The following FNDC5 variants were observed in gnomAD, a reference collection of about 807,000 sequenced individuals.
The protein encoded by FNDC5 is fibronectin type III domain containing 5.
A neutral mutation model predicts 24.6 loss-of-function variants in FNDC5; 10 were observed. The ratio of observed to expected loss-of-function variants is 0.41; its 90% CI spans 0.25 to 0.69. The LOEUF is 0.69. FNDC5 is among the 30% of genes least tolerant of loss of function. The pLI is 0.34. For synonymous variants in FNDC5, 90 were observed against 110.7 expected (o/e 0.81, Z 1.18); for missense variants, 226 against 282.9 (o/e 0.80, Z 1.44).
At chr1:32,864,432 C>T in intron 5 of FNDC5, 133 bp from the exon 6 acceptor site, 2 of 1,492,186 alleles carry the variant, frequency 1.3e-6, no homozygotes, top group Non-Finnish European at 1.8e-6. Context: ...CTGCCCTCCC[C>T]ACTCACTGCT....
In FNDC5 at chr1:32,864,797, C is replaced by A. The variant is rs1354212088; in HGVS notation, c.500G>T (p.Gly167Val). Residue 167 changes from glycine to valine, a missense_variant and splice_region_variant, in exon 5 of 6, where the codon GGT (glycine) becomes GTT (valine). Transcript: ENST00000373471. ...CTGGCGGCAGAAGAGGGCAATGACACCTGAGGGGGGACAAGTGAGCAGTCA... is the reference window on the plus strand; with the variant it reads ...CTGGCGGCAGAAGAGGGCAATGACAACTGAGGGGGGACAAGTGAGCAGTCA... 3 of 1,613,828 alleles carry A rather than the reference C, an allele frequency of 1.9e-6. No individual in the cohort carries two copies. Among genetic ancestry groups the A allele is most frequent in the Non-Finnish European group, 2.5e-6 (3 of 1,180,016 alleles).
rs1319237432 is a variant in FNDC5, at chr1:32,863,716, CCTT to C, written c.*575_*577del. 9 of 1,304,306 alleles carry C rather than the reference CCTT, an allele frequency of 6.9e-6. No individual in the cohort carries two copies. Among genetic ancestry groups the C allele is most frequent in the Non-Finnish European group, 8.1e-6 (8 of 988,988 alleles). The allele number at this position is 1,304,306 out of a possible 1,614,324, so 80.8% of individuals were successfully genotyped here. On this transcript the variant is annotated 3_prime_UTR_variant, in exon 6 of 6. Transcript: ENST00000373471. ...GACCAGCTGAGAAGAAAAATGGAATCCTTCTCCCTGCAGACAGGCAGTCACGCT... is the reference window on the plus strand; with the variant it reads ...GACCAGCTGAGAAGAAAAATGGAATCCTCCCTGCAGACAGGCAGTCACGCT...
intron 4 of FNDC5, 103 bp downstream of exon 4, chr1:32,867,650 T>C: frequency 9.1e-7 from 1 of 1,103,108 alleles, no homozygotes; most frequent in Non-Finnish European, 1.3e-6. Context: ...ACCTTAGAGA[T>C]GTCCAAACCC....
At chr1:32,867,872 C>T in intron 3 of FNDC5, 30 bp from the exon 4 acceptor site, 2 of 1,606,412 alleles carry the variant, frequency 1.2e-6, no homozygotes, top group South Asian at 2.2e-5. Context: ...AGATCCAGCA[C>T]TCCTTTCCTC....
chr1:32,864,166 G>T lies in FNDC5; in HGVS notation c.*128C>A, dbSNP rs887840786. 1.3e-6 allele frequency: 2 copies of T among 1,597,498 alleles called. No homozygotes were observed. The highest frequency in any genetic ancestry group is 1.3e-5 in the African/African-American group (1 of 74,778). On this transcript the variant is annotated 3_prime_UTR_variant, in exon 6 of 6. Transcript: ENST00000373471. ...AGGACAGTAAGCCAGAGGGTACAAG[G>T]AGATGGAGGGAAGAGATGTAGAGAG...
Position 32,863,881 on chromosome 1 carries a change from A to G in FNDC5, c.*413T>C. On this transcript the variant is annotated 3_prime_UTR_variant, in exon 6 of 6. Coordinates refer to ENST00000373471, the MANE Select transcript of FNDC5 (RefSeq NM_153756.3). The stretch of plus-strand genomic sequence containing the variant: ...AGGAAGGGAGCAGCAGCAGGGCTGT[A>G]GCCTAAATAAGCCAAGCTCTTGTCC... The G allele has an allele frequency of 1.5e-6, 2 of 1,303,952 alleles. No individual in the cohort carries two copies. Among genetic ancestry groups the G allele is most frequent in the Non-Finnish European group, 2.0e-6 (2 of 989,934 alleles). The allele number at this position is 1,303,952 out of a possible 1,614,324, so 80.8% of individuals were successfully genotyped here.
rs1383905806 is a variant in FNDC5, at chr1:32,870,784, G to C, written c.-38C>G. 2.1e-6 allele frequency: 2 copies of C among 933,542 alleles called. No individual in the cohort carries two copies. The highest frequency in any genetic ancestry group is 3.6e-5 in the African/African-American group (2 of 55,518). 57.8% of individuals were successfully genotyped at this position (933,542 alleles called of 1,614,324 possible). A position where few individuals can be genotyped will look rare whatever the true frequency, so the allele number is the denominator to read the frequency against. On this transcript the variant is annotated 5_prime_UTR_variant, in exon 1 of 6. Transcript: ENST00000373471. Reference sequence around the variant, plus strand: ...GGCCGGCAGGCCCGGGGCGGCGCAGGGGGACGCGGCTCCGGCGCCCGGCGG... The same window carrying C: ...GGCCGGCAGGCCCGGGGCGGCGCAGCGGGACGCGGCTCCGGCGCCCGGCGG...
In FNDC5 at chr1:32,868,366, C is replaced by A. The variant is rs140092865; in HGVS notation, c.233G>T (p.Arg78Leu). 7 of 1,613,918 alleles carry A rather than the reference C, an allele frequency of 4.3e-6. No individual in the cohort carries two copies. The highest frequency in any genetic ancestry group is 5.9e-6 in the Non-Finnish European group (7 of 1,179,968). The stretch of plus-strand genomic sequence containing the variant: ...GGTGGTGTTCACCTCCTGGATGAAG[C>A]GCAGCATCCGCACATCCTTCTTCTG... The change falls in exon 3 of 6, where the codon CGC becomes CTC. Residue 78 changes from arginine (R) to leucine (L), a missense_variant. Arg to Leu is a moderately radical substitution (Grantham distance 102). Coordinates refer to ENST00000373471, the MANE Select transcript of FNDC5 (RefSeq NM_153756.3). The surrounding 1 kb of genome is among the most constrained non-coding windows in gnomAD (Gnocchi z 4.8).
upstream of FNDC5, among the ~76,000 whole-genome samples, chr1:32,871,932 G>GC (rs1174085368): frequency 2.6e-5 from 4 of 152,266 alleles, no homozygotes; most frequent in African/African-American, 9.6e-5. Context: ...TTTTGTCTCA[G>GC]CAAGAACCCC....
Position 32,868,301 on chromosome 1 carries a change from C to G in FNDC5, c.298G>C (p.Glu100Gln). ...ATGGCCTGCACGTGGACTATGTACTCCGTATCCTCCTCCAGGTCCCAGAGG... is the reference window on the plus strand; with the variant it reads ...ATGGCCTGCACGTGGACTATGTACTGCGTATCCTCCTCCAGGTCCCAGAGG... Residue 100 changes from glutamate to glutamine, a missense_variant, in exon 3 of 6, where the codon GAG (glutamate) becomes CAG (glutamine). Transcript: ENST00000373471. The surrounding 1 kb of genome is among the most constrained non-coding windows in gnomAD (Gnocchi z 4.8). 6.2e-7 allele frequency: 1 copy of G among 1,614,208 alleles called. No individual in the cohort carries two copies. Among genetic ancestry groups the G allele is most frequent in the Non-Finnish European group, 8.5e-7 (1 of 1,180,044 alleles).
At chr1:32,864,486 GC>G in intron 5 of FNDC5, 177 bp downstream of exon 5, 1 of 1,476,804 alleles carries the variant, frequency 6.8e-7, no homozygotes, top group African/African-American at 1.4e-5. Context: ...CTGGCACCCT[GC>G]AAAAGGAGAG....
intron 1 of FNDC5, 80 bp downstream of exon 1, chr1:32,870,572 GA>G: frequency 1.1e-6 from 1 of 896,998 alleles, no homozygotes; most frequent in Non-Finnish European, 1.4e-6. Context: ...AGGGGGCAGA[GA>G]AAGGACCAGG....
chr1:32,865,724 T>A (rs974726977), intron 4 of FNDC5, among the ~76,000 whole-genome samples: 52 of 152,218 alleles, frequency 3.4e-4, no homozygotes, highest in African/African-American at 1.2e-3. Flanking sequence ...TAATAGCATT[T>A]GTTGAGCTCG....
At position 32,870,708 on chromosome 1, in the gene FNDC5, G is replaced by C. The variant is rs1276066652; in HGVS notation, c.39C>G (p.Ala13=). ...CCAGCCACAGGCGGAGCGCGGCGCG[G>C]GCGCGGGGCGGCCAGGCGCTCGGCG... The change falls in exon 1 of 6, where the codon GCC becomes GCG. Residue 13 remains alanine (A), a synonymous_variant. Transcript: ENST00000373471. The C allele has an allele frequency of 6.0e-5, 72 of 1,191,040 alleles. No individual in the cohort carries two copies. Among genetic ancestry groups the C allele is most frequent in the Non-Finnish European group, 7.5e-5 (72 of 962,006 alleles). 73.8% of individuals were successfully genotyped at this position (1,191,040 alleles called of 1,614,324 possible). A position where few individuals can be genotyped will look rare whatever the true frequency, so the allele number is the denominator to read the frequency against.
chr1:32,869,664 TGGAGA>T (rs1276363396), intron 1 of FNDC5, among the ~76,000 whole-genome samples: 3 of 147,802 alleles, frequency 2.0e-5, no homozygotes, highest in Non-Finnish European at 4.5e-5. Flanking sequence ...CCATGGCGAG[TGGAGA>T]GGAGAGAACA....
Position 32,870,643 on chromosome 1 carries a change from G to A in FNDC5, c.94+10C>T. On this transcript the variant is annotated intron_variant, in intron 1 of 5. Coordinates refer to ENST00000373471, the MANE Select transcript of FNDC5 (RefSeq NM_153756.3). ...CCCCGGCGCCGGCCCCCCGCCCCGG[G>A]CCCCCTTACCCGCCTGCACCAGCGC... 2 of 1,205,634 alleles carry A rather than the reference G, an allele frequency of 1.7e-6. No homozygotes were observed. Among genetic ancestry groups the A allele is most frequent in the Non-Finnish European group, 2.1e-6 (2 of 970,648 alleles). The allele number at this position is 1,205,634 out of a possible 1,614,324, so 74.7% of individuals were successfully genotyped here. A position where few individuals can be genotyped will look rare whatever the true frequency, so the allele number is the denominator to read the frequency against.
In FNDC5 at chr1:32,868,479, C is replaced by G. The variant is rs563454230; in HGVS notation, c.211-91G>C. 537 of 1,280,092 alleles carry G rather than the reference C, an allele frequency of 4.2e-4. 1 individual carries two copies. Among genetic ancestry groups the G allele is most frequent in the Non-Finnish European group, 5.4e-4 (503 of 925,164 alleles). The allele number at this position is 1,280,092 out of a possible 1,614,324, so 79.3% of individuals were successfully genotyped here. A position where few individuals can be genotyped will look rare whatever the true frequency, so the allele number is the denominator to read the frequency against. ...AGTGGTGACAAAGCCTTTACATACA[C>G]AATCTTCATCATTCCATCACCTCCG... On this transcript the variant is annotated intron_variant, in intron 2 of 5. Coordinates refer to ENST00000373471, the MANE Select transcript of FNDC5 (RefSeq NM_153756.3). This position sits in a 1 kb window ranked among gnomAD's most constrained non-coding sequence, Gnocchi z 4.8.
At chr1:32,870,387 C>T (rs1002944965) in intron 1 of FNDC5, among the ~76,000 whole-genome samples, 6 of 152,014 alleles carry the variant, frequency 3.9e-5, no homozygotes, top group Non-Finnish European at 5.9e-5. Flanking sequence ...GAGGCAAAGA[C>T]CTGGGGTTAG....
chr1:32,869,397 G>A (rs1215485046), intron 1 of FNDC5, among the ~76,000 whole-genome samples: 3 of 152,274 alleles, frequency 2.0e-5, no homozygotes, highest in Admixed American at 2.0e-4. Flanking sequence ...CCAGTCCAGT[G>A]CTCTTTTGAC....
Sources: gnomAD v4.1 joint callset for allele counts (sites outside exome capture counted in the v4.1 genomes callset) on GRCh38, gnomAD v4.1.1 for gene constraint, Gnocchi (gnomAD v3.1) non-coding constraint, MANE v1.5 for transcripts, NCBI Gene and HGNC (gene_info 2026-07-23, HGNC 2026-07-21) for gene names.